Variants in RAD51D observed in about 807,000 individuals in gnomAD.
RAD51D encodes RAD51 paralog D, also known as DNA repair protein RAD51 homolog 4.
Under a neutral mutation model 44.1 loss-of-function variants are expected in RAD51D, and 38 were observed. The ratio of observed to expected loss-of-function variants is 0.86; its 90% CI spans 0.67 to 1.13. RAD51D has a LOEUF of 1.13. Among genes scored for constraint, RAD51D ranks in the 50% most tolerant of loss-of-function variants. RAD51D has a pLI of 0.00. For missense variants in RAD51D, 390 were observed against 414.0 expected, an observed-to-expected ratio of 0.94 and a Z score of 0.50; for synonymous variants, 141 against 166.6, an observed-to-expected ratio of 0.85 and a Z score of 1.18.
In RAD51D at chr17:35,095,405, G is replaced by A. The variant is rs1474540536; in HGVS notation, c.*5548C>T. ...GCTGCGGCAGAATTGCTTGAACCCA[G>A]GAAGCAGAGGTTGCAGTGAGCCAAG... is the stretch of plus-strand genomic sequence containing the variant. On this transcript the variant is annotated 3_prime_UTR_variant, in exon 10 of 10. Transcript: ENST00000345365. 3 of 152,276 alleles carry A rather than the reference G, an allele frequency of 2.0e-5. No individual in the cohort carries two copies. The East Asian group carries it at 5.8e-4, about 30-fold the overall frequency. The allele number at this position is 152,276 out of a possible 1,614,324, so 9.4% of individuals were successfully genotyped here.
Position 35,100,675 on chromosome 17 carries a change from G to A in RAD51D, c.*278C>T. Reference sequence around the variant, plus strand: ...CTCATCAGAGATGCTCCCAGCCAGGGTGAACTTGGTTTCCACCAGAAACAT... The same window carrying A: ...CTCATCAGAGATGCTCCCAGCCAGGATGAACTTGGTTTCCACCAGAAACAT... On this transcript the variant is annotated 3_prime_UTR_variant, in exon 10 of 10. Coordinates refer to ENST00000345365, the MANE Select transcript of RAD51D (RefSeq NM_002878.4). 1 of 590,214 alleles carries A rather than the reference G, an allele frequency of 1.7e-6. No homozygotes were observed. The highest frequency in any genetic ancestry group is 3.1e-6 in the Non-Finnish European group (1 of 319,212). 36.6% of individuals were successfully genotyped at this position (590,214 alleles called of 1,614,324 possible).
chr17:35,102,285 C>A (rs1035122508), intron 8 of RAD51D, among the ~76,000 whole-genome samples: 24 of 151,322 alleles, frequency 1.6e-4, no homozygotes, highest in Non-Finnish European at 3.2e-4. Flanking sequence ...TCAAGCAATT[C>A]TCCTGCCACC....
chr17:35,114,898 A>G (rs1310021367), intron 3 of RAD51D, among the ~76,000 whole-genome samples: 3 of 152,150 alleles, frequency 2.0e-5, no homozygotes, highest in Non-Finnish European at 4.4e-5. Flanking sequence ...GAATATCTCA[A>G]GTTTCCCAGA....
At chr17:35,115,981 G>GAAAGAAAGA (rs2091738781) in intron 3 of RAD51D, among the ~76,000 whole-genome samples, 1 of 147,678 alleles carries the variant, frequency 6.8e-6, no homozygotes, top group African/African-American at 2.5e-5. Context: ...AAGAAAGAAA[G>GAAAGAAAGA]AAAGAAAGAA....
At position 35,119,828 on chromosome 17, in the gene RAD51D, C is replaced by T; in HGVS notation, c.-215G>A. ...CCGCCGGGATTCCCGCGCCCAGAGC[C>T]CGCCCGCCGGGTCGCGCCGCGCTGC... is the stretch of plus-strand genomic sequence containing the variant. On this transcript the variant is annotated 5_prime_UTR_variant, in exon 1 of 10. Coordinates refer to ENST00000345365, the MANE Select transcript of RAD51D (RefSeq NM_002878.4). The T allele has an allele frequency of 1.5e-6, 1 of 686,838 alleles. No individual in the cohort carries two copies. Among genetic ancestry groups the T allele is most frequent in the Non-Finnish European group, 2.6e-6 (1 of 379,976 alleles). 42.5% of individuals were successfully genotyped at this position (686,838 alleles called of 1,614,324 possible).
rs2142417771 is a variant in RAD51D at position 35,103,230 on chromosome 17, C to A, written c.738+24G>T. On this transcript the variant is annotated intron_variant, in intron 8 of 9. Coordinates refer to ENST00000345365, the MANE Select transcript of RAD51D (RefSeq NM_002878.4). The surrounding 1 kb of genome is among the most constrained non-coding windows in gnomAD (Gnocchi z 4.1). Reference sequence around the variant, plus strand: ...GCTCGCAATAACTAGAAATCAAGTTCATTGGCCAAGCCTGCTTCCTCACCA... The same window carrying A: ...GCTCGCAATAACTAGAAATCAAGTTAATTGGCCAAGCCTGCTTCCTCACCA... The A allele has an allele frequency of 6.3e-7, 1 of 1,595,118 alleles. No individual in the cohort carries two copies. Among genetic ancestry groups the A allele is most frequent in the Non-Finnish European group, 8.5e-7 (1 of 1,170,946 alleles).
chr17:35,118,737 G>T, intron 2 of RAD51D, 118 bp from the exon 3 acceptor site: 1 of 828,812 alleles, frequency 1.2e-6, no homozygotes, highest in Non-Finnish European at 2.1e-6. Flanking sequence ...GGCTTGGGAT[G>T]GACTTTTGTT....
chr17:35,115,953 A>G (rs1235065892), intron 3 of RAD51D, among the ~76,000 whole-genome samples: 4 of 89,852 alleles, frequency 4.5e-5, no homozygotes, highest in Admixed American at 2.7e-4. Context: ...GAAAAGGAAG[A>G]AAGGAAAGAA....
chr17:35,101,400 T>C lies in RAD51D; in HGVS notation c.739-35A>G. On this transcript the variant is annotated intron_variant, in intron 8 of 9. Transcript: ENST00000345365. ...AAACAGACTTACAGATCCATAATGCTAGTATAGAGGACATCGATTACTACC... is the reference window on the plus strand; with the variant it reads ...AAACAGACTTACAGATCCATAATGCCAGTATAGAGGACATCGATTACTACC... 6.2e-7 allele frequency: 1 copy of C among 1,604,148 alleles called. No homozygotes were observed. Among genetic ancestry groups the C allele is most frequent in the Middle Eastern group, 1.7e-4 (1 of 6,048 alleles).
chr17:35,117,651 G>A (rs545530395), intron 3 of RAD51D, among the ~76,000 whole-genome samples: 166 of 152,212 alleles, frequency 1.1e-3, no homozygotes, highest in African/African-American at 3.9e-3. Context: ...CACCACGCCC[G>A]ACTAATTTTT....
chr17:35,109,370 T>A (rs1197402956), intron 3 of RAD51D, among the ~76,000 whole-genome samples: 1 of 152,244 alleles, frequency 6.6e-6, no homozygotes. Flanking sequence ...AAGCATTTTT[T>A]ACAGGTTTTT....
In RAD51D at chr17:35,099,969, T is replaced by C. The variant is rs1196181441; in HGVS notation, c.*984A>G. 7.6e-6 allele frequency: 4 copies of C among 527,482 alleles called. No individual in the cohort carries two copies. Among genetic ancestry groups the C allele is most frequent in the Admixed American group, 2.2e-5 (1 of 44,756 alleles). 32.7% of individuals were successfully genotyped at this position (527,482 alleles called of 1,614,324 possible). On this transcript the variant is annotated 3_prime_UTR_variant, in exon 10 of 10. Transcript: ENST00000345365. ...AGAGAGGTGTAATTATATTGCATCT[T>C]GGAGCCACCAGCAATGAATTTCTGC...
chr17:35,117,534 G>C (rs1371744693), intron 3 of RAD51D, among the ~76,000 whole-genome samples: 1 of 152,174 alleles, frequency 6.6e-6, no homozygotes, highest in African/African-American at 2.4e-5. Flanking sequence ...CTGCCACCAA[G>C]GCTGGAGTGC....
At chr17:35,116,891 G>GA in intron 3 of RAD51D, 2 of 1,589,020 alleles carry the variant, frequency 1.3e-6, no homozygotes, top group Non-Finnish European at 1.7e-6. Context: ...CTCGTTCATC[G>GA]AAAGCATTCA....
At position 35,099,753 on chromosome 17, in the gene RAD51D, C is replaced by T; in HGVS notation, c.*1200G>A. ...AGGCTCTCTAACCAAGAAAGATGAC[C>T]TTCCTTTAAAAGATGTGGCCAGTAA... On this transcript the variant is annotated 3_prime_UTR_variant, in exon 10 of 10. Coordinates refer to ENST00000345365, the MANE Select transcript of RAD51D (RefSeq NM_002878.4). The T allele has an allele frequency of 2.4e-6, 1 of 410,498 alleles. No homozygotes were observed. The highest frequency in any genetic ancestry group is 3.1e-5 in the Admixed American group (1 of 31,948). The allele number at this position is 410,498 out of a possible 1,614,324, so 25.4% of individuals were successfully genotyped here.
In RAD51D at chr17:35,098,894, GGT is replaced by G. The variant is rs1733159627; in HGVS notation, c.*2057_*2058del. On this transcript the variant is annotated 3_prime_UTR_variant, in exon 10 of 10. Coordinates refer to ENST00000345365, the MANE Select transcript of RAD51D (RefSeq NM_002878.4). ...GGTCTTGCTCTGTTACCCAGGCTGG[GGT>G]GTAGTGGTGCGATCAGGGCTCACTG... The G allele has an allele frequency of 6.6e-6, 1 of 151,802 alleles. No individual in the cohort carries two copies. Among genetic ancestry groups the G allele is most frequent in the Non-Finnish European group, 1.5e-5 (1 of 68,018 alleles). 9.4% of individuals were successfully genotyped at this position (151,802 alleles called of 1,614,324 possible).
Position 35,117,440 on chromosome 17 carries a change from G to A in RAD51D, c.263+1061C>T, listed in dbSNP as rs917788370. Among the ~76,000 whole-genome samples, 17 of 152,282 alleles carry A rather than the reference G, an allele frequency of 1.1e-4. No individual in the cohort carries two copies. In the East Asian group the frequency reaches 2.7e-3, roughly 24 times the overall value. On this transcript the variant is annotated intron_variant, in intron 3 of 9. Coordinates refer to ENST00000345365, the MANE Select transcript of RAD51D (RefSeq NM_002878.4). ...GTCAAGACTCACTTGGCCAGCAAAC[G>A]TCTGTCGTCTTTGCAACTCTTCCCC...
Position 35,100,864 on chromosome 17 carries a change from G to T in RAD51D, c.*89C>A. On this transcript the variant is annotated 3_prime_UTR_variant, in exon 10 of 10. Coordinates refer to ENST00000345365, the MANE Select transcript of RAD51D (RefSeq NM_002878.4). ...CCTGAGAACGTCTGTAGTCACCAGTGCCAGGTGGCAGTAAACAGCAGGCGT... is the reference window on the plus strand; with the variant it reads ...CCTGAGAACGTCTGTAGTCACCAGTTCCAGGTGGCAGTAAACAGCAGGCGT... The T allele has an allele frequency of 9.2e-7, 1 of 1,088,680 alleles. No individual in the cohort carries two copies. The highest frequency in any genetic ancestry group is 1.4e-6 in the Non-Finnish European group (1 of 704,112). 67.4% of individuals were successfully genotyped at this position (1,088,680 alleles called of 1,614,324 possible).
chr17:35,116,354 G>A (rs1158034666), intron 3 of RAD51D, among the ~76,000 whole-genome samples: 1 of 152,206 alleles, frequency 6.6e-6, no homozygotes, highest in Non-Finnish European at 1.5e-5. Context: ...TAAGAGCCGC[G>A]TTCTTAGACT....
Sources: gnomAD v4.1 joint callset for allele counts (sites outside exome capture counted in the v4.1 genomes callset) on GRCh38, gnomAD v4.1.1 for gene constraint, Gnocchi (gnomAD v3.1) non-coding constraint, MANE v1.5 for transcripts, NCBI Gene and HGNC (gene_info 2026-07-23, HGNC 2026-07-21) for gene names.